The following SFXN5 variants were observed in gnomAD, a reference collection of about 807,000 sequenced individuals.
SFXN5 encodes sideroflexin-5.
Under a neutral mutation model 50.2 loss-of-function variants are expected in SFXN5, and 43 were observed. The ratio of observed to expected loss-of-function variants is 0.86; its 90% CI spans 0.67 to 1.11. The LOEUF is 1.11. SFXN5 is among the 50% of genes least tolerant of loss of function. The pLI is 0.00. For synonymous variants in SFXN5, 203 were observed against 185.8 expected (o/e 1.09, Z -0.75); for missense variants, 463 against 454.1 (o/e 1.02, Z -0.18).
rs1271303132 is a variant in SFXN5, at chr2:72,973,014, C to A, written c.626-1329G>T. ...CAGATGCTCCTGGGGCCTGAGCCAA[C>A]GAGTGGTCCAGGGTGCTCACAGCTG... On this transcript the variant is annotated intron_variant, in intron 10 of 13. Coordinates refer to ENST00000272433, the MANE Select transcript of SFXN5 (RefSeq NM_144579.3). The surrounding 1 kb of genome is among the most constrained non-coding windows in gnomAD (Gnocchi z 5.5). 1.3e-5 allele frequency among the ~76,000 whole-genome samples: 2 copies of A among 152,094 alleles called. No individual in the cohort carries two copies. Among genetic ancestry groups the A allele is most frequent in the East Asian group, 3.9e-4 (2 of 5,138 alleles).
At chr2:73,018,286 A>G (rs925217955) in intron 6 of SFXN5, among the ~76,000 whole-genome samples, 2 of 152,048 alleles carry the variant, frequency 1.3e-5, no homozygotes, top group South Asian at 4.1e-4. Context: ...GAAAAAAAAA[A>G]GAGAAAGAGA....
chr2:72,982,259 AG>A (rs77591680), intron 10 of SFXN5, among the ~76,000 whole-genome samples: 22,752 of 152,172 alleles, frequency 0.15, 1,943 homozygotes, highest in East Asian at 0.32. Context: ...TGATCTGGAA[AG>A]GGGTGGGCCC....
chr2:73,040,760 G>A (rs1428429567), intron 3 of SFXN5, 94 bp downstream of exon 3: 17 of 1,003,428 alleles, frequency 1.7e-5, no homozygotes, highest in East Asian at 2.5e-5. Flanking sequence ...TATGCTGGAC[G>A]AAAGAAGTGG....
At position 72,944,975 on chromosome 2, in the gene SFXN5, C is replaced by A. The variant is rs1326881934; in HGVS notation, c.*47G>T. On this transcript the variant is annotated 3_prime_UTR_variant, in exon 14 of 14. Coordinates refer to ENST00000272433, the MANE Select transcript of SFXN5 (RefSeq NM_144579.3). ...GCCGTGAGTCTACGGCCCTGCCCCT[C>A]AGCTCCCCGGCTGCACAGTGCTCCG... is the stretch of plus-strand genomic sequence containing the variant. 6.3e-7 allele frequency: 1 copy of A among 1,580,710 alleles called. No individual in the cohort carries two copies. Among genetic ancestry groups the A allele is most frequent in the African/African-American group, 1.3e-5 (1 of 74,118 alleles).
At chr2:73,006,396 C>T (rs550672842) in intron 6 of SFXN5, among the ~76,000 whole-genome samples, 16 of 152,268 alleles carry the variant, frequency 1.1e-4, no homozygotes, top group African/African-American at 2.9e-4. Flanking sequence ...CCAAGGCAGG[C>T]GGATCACCTG....
intron 7 of SFXN5, 48 bp from the exon 8 acceptor site, chr2:73,000,535 T>C: frequency 6.5e-7 from 1 of 1,541,042 alleles, no homozygotes; most frequent in Non-Finnish European, 8.8e-7. Flanking sequence ...GTCACCTCCC[T>C]GGAAGCCAGG....
intron 13 of SFXN5, chr2:72,957,074 T>G (rs1391791191): frequency 2.2e-6 from 1 of 456,702 alleles, no homozygotes; most frequent in African/African-American, 2.0e-5. Context: ...CTTGGCTGCT[T>G]CTTCCCCTTC....
intron 6 of SFXN5, among the ~76,000 whole-genome samples, chr2:73,008,470 C>T (rs1481539800): frequency 2.0e-5 from 3 of 152,108 alleles, no homozygotes; most frequent in Non-Finnish European, 2.9e-5. Flanking sequence ...CCCTGGCATC[C>T]GAGGCATTCC....
intron 2 of SFXN5, chr2:73,053,355 T>C (rs1359472798): frequency 6.5e-6 from 1 of 154,322 alleles, no homozygotes; most frequent in Admixed American, 6.5e-5. Context: ...CCACACCTCA[T>C]TGTGGCATTT....
chr2:72,994,031 G>A (rs62147721), intron 9 of SFXN5, among the ~76,000 whole-genome samples: 46,110 of 152,020 alleles, frequency 0.3, 8,065 homozygotes, highest in East Asian at 0.5. Context: ...GCCAGGAGGC[G>A]GCACGGTAAT....
At chr2:72,970,696 T>G (rs1008662597) in intron 11 of SFXN5, among the ~76,000 whole-genome samples, 3 of 151,964 alleles carry the variant, frequency 2.0e-5, no homozygotes, top group Admixed American at 1.3e-4. Context: ...GGACTGCGTT[T>G]TTTTTTTTTG....
At chr2:73,013,249 C>G (rs1675757195) in intron 6 of SFXN5, among the ~76,000 whole-genome samples, 1 of 151,696 alleles carries the variant, frequency 6.6e-6, no homozygotes, top group Admixed American at 6.6e-5. Flanking sequence ...TATATTTTGT[C>G]CAAAAGAGAT....
intron 3 of SFXN5, among the ~76,000 whole-genome samples, chr2:73,034,042 C>T (rs1005779309): frequency 6.6e-6 from 1 of 152,218 alleles, no homozygotes; most frequent in African/African-American, 2.4e-5. Flanking sequence ...TATAATTTCA[C>T]AGGTCACTCT....
intron 9 of SFXN5, among the ~76,000 whole-genome samples, chr2:72,991,228 C>T (rs1427252032): frequency 1.3e-5 from 2 of 152,236 alleles, no homozygotes; most frequent in African/African-American, 4.8e-5. Context: ...CTGGCACAGC[C>T]CAGAGTGTAG....
chr2:73,029,168 C>T (rs1677978261), intron 3 of SFXN5, among the ~76,000 whole-genome samples: 2 of 152,088 alleles, frequency 1.3e-5, no homozygotes, highest in African/African-American at 4.8e-5. Flanking sequence ...ATAGTGAGGC[C>T]CTAAAGACAT....
rs1289235710 is a variant in SFXN5, at chr2:72,973,863, A to C, written c.626-2178T>G. ...AGGCTTTCGGTTCCCAGGAGACCTA[A>C]GAAAACCGTTGAGAGGACAGTGGGG... is the stretch of plus-strand genomic sequence containing the variant. On this transcript the variant is annotated intron_variant, in intron 10 of 13. Transcript: ENST00000272433. This position sits in a 1 kb window ranked among gnomAD's most constrained non-coding sequence, Gnocchi z 5.5. Among the ~76,000 whole-genome samples, 1 of 152,178 alleles carries C rather than the reference A, an allele frequency of 6.6e-6. No individual in the cohort carries two copies. Among genetic ancestry groups the C allele is most frequent in the Non-Finnish European group, 1.5e-5 (1 of 68,032 alleles).
chr2:72,983,420 CT>C (rs1483527268), intron 10 of SFXN5, among the ~76,000 whole-genome samples: 3 of 152,206 alleles, frequency 2.0e-5, no homozygotes, highest in African/African-American at 7.2e-5. Flanking sequence ...CAAGGAGCTG[CT>C]GAGGCTGGCA....
At chr2:73,033,656 T>C (rs1199508381) in intron 3 of SFXN5, among the ~76,000 whole-genome samples, 1 of 152,098 alleles carries the variant, frequency 6.6e-6, no homozygotes, top group Non-Finnish European at 1.5e-5. Flanking sequence ...AGGAGACCAG[T>C]GTGACTGCAG....
At chr2:73,025,211 C>T (rs1677407816) in intron 3 of SFXN5, among the ~76,000 whole-genome samples, 1 of 152,120 alleles carries the variant, frequency 6.6e-6, no homozygotes, top group Non-Finnish European at 1.5e-5. Flanking sequence ...AAGCACCTTC[C>T]TGAAGTGCAC....
Sources: allele counts gnomAD v4.1 joint callset (sites outside exome capture counted in the v4.1 genomes callset), GRCh38; gene constraint gnomAD v4.1.1; non-coding constraint Gnocchi (gnomAD v3.1); transcripts MANE v1.5; gene names NCBI Gene and HGNC (gene_info 2026-07-23, HGNC 2026-07-21).